Variants in CRLF3 observed in about 807,000 individuals in gnomAD.
CRLF3 encodes cytokine receptor like factor 3.
A neutral mutation model predicts 55.0 loss-of-function variants in CRLF3; 33 were observed. The observed-to-expected ratio is 0.60, with a 90% CI of 0.46 to 0.80. The LOEUF (loss-of-function observed/expected upper bound fraction) is 0.80. Among genes scored for constraint, CRLF3 ranks in the 30% least tolerant of loss-of-function variants. The probability of loss-of-function intolerance (pLI) is 0.00; values close to 1 mark genes in which losing one functional copy is unlikely to be tolerated. For synonymous variants in CRLF3, 238 were observed against 196.8 expected (o/e 1.21, Z -1.75); for missense variants, 494 against 538.4 (o/e 0.92, Z 0.82).
intron 6 of CRLF3, among the ~76,000 whole-genome samples, chr17:30,790,285 C>T (rs538069439): frequency 5.9e-5 from 9 of 152,260 alleles, no homozygotes; most frequent in East Asian, 5.8e-4. Context: ...GCTTGTTACA[C>T]TAAGGTGAGT....
chr17:30,791,717 C>A (rs887596414), intron 6 of CRLF3, among the ~76,000 whole-genome samples: 3 of 147,450 alleles, frequency 2.0e-5, no homozygotes, highest in African/African-American at 7.6e-5. Flanking sequence ...GGGGTTTCAC[C>A]ATGTTAGCCA....
chr17:30,793,894 A>G (rs900341222), intron 4 of CRLF3, among the ~76,000 whole-genome samples: 4 of 151,942 alleles, frequency 2.6e-5, no homozygotes, highest in Admixed American at 6.6e-5. Context: ...GCTGTAGTGC[A>G]GTGGCGTGAT....
intron 7 of CRLF3, chr17:30,784,777 A>G (rs1436473181): frequency 1.4e-5 from 3 of 212,632 alleles, no homozygotes; most frequent in Non-Finnish European, 1.9e-5. Flanking sequence ...TTTTTTTTGG[A>G]GACAGAGTTT....
intron 7 of CRLF3, chr17:30,785,120 TCA>T (rs1567656067): frequency 7.3e-6 from 1 of 136,684 alleles, no homozygotes; most frequent in African/African-American, 2.8e-5. Flanking sequence ...AGACGGAGTC[TCA>T]CACTGTTACC....
At chr17:30,820,823 C>CAAAAA (rs1163338509) in intron 1 of CRLF3, among the ~76,000 whole-genome samples, 21 of 64,990 alleles carry the variant, frequency 3.2e-4, no homozygotes, top group African/African-American at 1.2e-3. Context: ...GAGACTCTCT[C>CAAAAA]AAAAAAAAAA....
intron 1 of CRLF3, among the ~76,000 whole-genome samples, chr17:30,804,675 G>A (rs1904335282): frequency 6.6e-6 from 1 of 152,072 alleles, no homozygotes; most frequent in Admixed American, 6.6e-5. Flanking sequence ...CTCTTTTAAG[G>A]TTGAATGGCA....
intron 1 of CRLF3, among the ~76,000 whole-genome samples, chr17:30,811,751 C>T (rs1440133391): frequency 2.2e-5 from 3 of 139,476 alleles, no homozygotes; most frequent in Non-Finnish European, 4.6e-5. Flanking sequence ...TTGCAGTGAG[C>T]CGAGGCCGTG....
chr17:30,824,490 C>T lies in CRLF3; in HGVS notation c.129+33G>A, dbSNP rs1049900833. On this transcript the variant is annotated intron_variant, in intron 1 of 7. Transcript: ENST00000324238. The stretch of plus-strand genomic sequence containing the variant: ...GCCCGGCATCCGCGCCACCCCCGGG[C>T]CCACAGCGCCCCTGTGGGTGTGGCC... 51 of 1,562,698 alleles carry T rather than the reference C, an allele frequency of 3.3e-5. 1 individual carries two copies. Among genetic ancestry groups the T allele is most frequent in the Non-Finnish European group, 4.1e-5 (47 of 1,159,630 alleles).
At chr17:30,784,519 T>G (rs1158007183) in intron 7 of CRLF3, 76 bp from the exon 8 acceptor site, 1 of 1,250,294 alleles carries the variant, frequency 8.0e-7, no homozygotes, top group Non-Finnish European at 1.1e-6. Flanking sequence ...AGATTACTGG[T>G]AACACAGCTC....
intron 1 of CRLF3, chr17:30,810,016 C>A (rs1237590746): frequency 6.6e-6 from 1 of 152,166 alleles, no homozygotes; most frequent in South Asian, 2.1e-4. Flanking sequence ...AAAGACACTT[C>A]TTGGTATAAC....
intron 6 of CRLF3, chr17:30,790,605 G>GTTT (rs1971771612): frequency 3.7e-5 from 3 of 80,836 alleles, no homozygotes; most frequent in Admixed American, 1.3e-4. Context: ...AAATTTTTTT[G>GTTT]CTTTTTTTTT....
intron 1 of CRLF3, among the ~76,000 whole-genome samples, chr17:30,810,886 A>G (rs1904594440): frequency 6.6e-6 from 1 of 151,798 alleles, no homozygotes; most frequent in Non-Finnish European, 1.5e-5. Flanking sequence ...CCAGGAGTTC[A>G]AGACCAGCCT....
chr17:30,815,058 TTTTTTTCTTTC>T (rs959068336), intron 1 of CRLF3, among the ~76,000 whole-genome samples: 7 of 150,888 alleles, frequency 4.6e-5, no homozygotes, highest in South Asian at 2.1e-4. Context: ...TTCACACACA[TTTTTTTCTTTC>T]TTTTTTCTTT....
At chr17:30,796,968 G>A (rs529372492) in intron 3 of CRLF3, among the ~76,000 whole-genome samples, 1 of 152,080 alleles carries the variant, frequency 6.6e-6, no homozygotes, top group Non-Finnish European at 1.5e-5. Flanking sequence ...GTACAAACTT[G>A]GCTCACTGCA....
chr17:30,786,987 AC>A (rs2142241239), intron 6 of CRLF3, among the ~76,000 whole-genome samples: 2 of 152,022 alleles, frequency 1.3e-5, no homozygotes, highest in African/African-American at 4.8e-5. Context: ...GGCGTGAGCC[AC>A]CACACCTGGC....
chr17:30,822,058 C>G (rs1042211618), intron 1 of CRLF3, among the ~76,000 whole-genome samples: 7 of 142,290 alleles, frequency 4.9e-5, no homozygotes, highest in Non-Finnish European at 7.6e-5. Context: ...GTCCGCACCC[C>G]CGCCAAAAAA....
At chr17:30,808,900 T>A (rs1904521739) in intron 1 of CRLF3, among the ~76,000 whole-genome samples, 3 of 152,194 alleles carry the variant, frequency 2.0e-5, no homozygotes, top group Non-Finnish European at 4.4e-5. Context: ...GCCAAATCTG[T>A]ATTTTTAACA....
chr17:30,797,119 G>A (rs548950988), intron 3 of CRLF3, among the ~76,000 whole-genome samples, 192 bp downstream of exon 3: 1 of 152,124 alleles, frequency 6.6e-6, no homozygotes, highest in African/African-American at 2.4e-5. Flanking sequence ...TCAAACTCCT[G>A]GCCTCAAGCA....
intron 1 of CRLF3, among the ~76,000 whole-genome samples, chr17:30,819,152 C>T (rs539896745): frequency 2.6e-5 from 4 of 152,286 alleles, no homozygotes; most frequent in Non-Finnish European, 4.4e-5. Flanking sequence ...CAGGATCTTA[C>T]CATTTGCTCT....
Sources: allele counts gnomAD v4.1 joint callset (sites outside exome capture counted in the v4.1 genomes callset), GRCh38; gene constraint gnomAD v4.1.1; transcripts MANE v1.5; gene names NCBI Gene and HGNC (gene_info 2026-07-23, HGNC 2026-07-21).